Variants in OSBPL10 observed in about 807,000 individuals in gnomAD.
The protein encoded by OSBPL10 is oxysterol binding protein like 10, also known as oxysterol-binding protein-related protein 10.
In OSBPL10, 49 loss-of-function variants were observed where a neutral mutation model predicts 81.7. That is an observed-to-expected ratio of 0.60 (90% CI 0.48 to 0.76). The LOEUF (loss-of-function observed/expected upper bound fraction) is 0.76. Among genes scored for constraint, OSBPL10 ranks in the 30% least tolerant of loss-of-function variants. OSBPL10 has a pLI of 0.00. For synonymous variants in OSBPL10, 419 were observed against 383.6 expected (o/e 1.09, Z -1.08); for missense variants, 923 against 987.8 (o/e 0.93, Z 0.88).
upstream of OSBPL10, among the ~76,000 whole-genome samples, chr3:31,984,348 GTT>G (rs144693842): frequency 1.4e-5 from 2 of 145,538 alleles, no homozygotes; most frequent in African/African-American, 5.0e-5. Context: ...CCCACCTAAG[GTT>G]TTTTTTTTTT....
chr3:31,862,672 A>G (rs1262047414), intron 3 of OSBPL10, among the ~76,000 whole-genome samples: 1 of 152,234 alleles, frequency 6.6e-6, no homozygotes, highest in Non-Finnish European at 1.5e-5. Context: ...GCCAATAAGC[A>G]TATAAAAAGA....
At chr3:32,032,010 G>T (rs1333803927) in intron 2 of OSBPL10, among the ~76,000 whole-genome samples, 3 of 152,184 alleles carry the variant, frequency 2.0e-5, no homozygotes, top group African/African-American at 4.8e-5. Context: ...GGCTGACCAG[G>T]CATGGTAGTT....
intron 1 of OSBPL10, among the ~76,000 whole-genome samples, chr3:31,909,789 T>C (rs1295883297): frequency 6.6e-6 from 1 of 152,088 alleles, no homozygotes; most frequent in East Asian, 1.9e-4. Context: ...GGAACCCACA[T>C]GAATCTACTA....
intron 2 of OSBPL10, among the ~76,000 whole-genome samples, chr3:31,878,808 C>A (rs200470587): frequency 2.0e-5 from 2 of 100,534 alleles, no homozygotes; most frequent in African/African-American, 3.8e-5. Context: ...ATAGACTCTG[C>A]GTGTCCATGT....
At chr3:32,030,881 G>A (rs1436709856) in intron 2 of OSBPL10, among the ~76,000 whole-genome samples, 1 of 152,058 alleles carries the variant, frequency 6.6e-6, no homozygotes, top group Non-Finnish European at 1.5e-5. Flanking sequence ...AAATAATTGA[G>A]GAGGCCGGGC....
At chr3:31,806,797 G>A (rs1032454631) in intron 4 of OSBPL10, among the ~76,000 whole-genome samples, 4 of 151,896 alleles carry the variant, frequency 2.6e-5, no homozygotes, top group Middle Eastern at 3.2e-3. Context: ...GTTGGGGGGT[G>A]GGGGGAGCCA....
chr3:31,970,377 C>G (rs1024045655), intron 1 of OSBPL10, among the ~76,000 whole-genome samples: 3 of 152,186 alleles, frequency 2.0e-5, no homozygotes, highest in Admixed American at 2.0e-4. Flanking sequence ...TGCTGAAATT[C>G]CAGCCATCAT....
chr3:31,917,791 T>C (rs1696799557), intron 1 of OSBPL10, among the ~76,000 whole-genome samples: 1 of 151,210 alleles, frequency 6.6e-6, no homozygotes, highest in South Asian at 2.1e-4. Context: ...TCCCAAGAGC[T>C]GCTGAAGTAT....
intron 4 of OSBPL10, among the ~76,000 whole-genome samples, chr3:31,829,397 G>A (rs972357959): frequency 2.0e-5 from 3 of 152,216 alleles, no homozygotes; most frequent in African/African-American, 4.8e-5. Context: ...ACATAACCTC[G>A]CCTCACTTTT....
intron 4 of OSBPL10, among the ~76,000 whole-genome samples, chr3:31,793,894 T>A (rs1699105169): frequency 6.6e-6 from 1 of 152,172 alleles, no homozygotes. Context: ...CAAATGACAA[T>A]TAAAATACAG....
intron 11 of OSBPL10, chr3:31,663,047 C>T: frequency 1.0e-6 from 1 of 984,676 alleles, no homozygotes. Flanking sequence ...GCTTCCTGCT[C>T]TTCCTGCTCT....
At chr3:31,794,516 C>A (rs921299181) in intron 4 of OSBPL10, 55 of 308,566 alleles carry the variant, frequency 1.8e-4, no homozygotes, top group African/African-American at 1.1e-3. Context: ...GGCACTGTGA[C>A]CCTTGCAGAC....
At chr3:31,902,426 C>A (rs1304844377) in intron 1 of OSBPL10, among the ~76,000 whole-genome samples, 1 of 151,900 alleles carries the variant, frequency 6.6e-6, no homozygotes, top group Non-Finnish European at 1.5e-5. Flanking sequence ...CCACACCCAG[C>A]TAATTTTTAT....
intron 7 of OSBPL10, among the ~76,000 whole-genome samples, chr3:31,687,990 T>C (rs529354842): frequency 3.3e-5 from 5 of 151,866 alleles, no homozygotes; most frequent in East Asian, 1.9e-4. Flanking sequence ...AGCCCCACCT[T>C]TTAGGGCCAT....
intron 2 of OSBPL10, among the ~76,000 whole-genome samples, chr3:31,879,043 C>T (rs1310923011): frequency 6.6e-6 from 1 of 152,084 alleles, no homozygotes; most frequent in African/African-American, 2.4e-5. Context: ...TACTGGACTC[C>T]CTGGAAAGTC....
At chr3:32,040,943 G>A (rs1457045585) in intron 2 of OSBPL10, among the ~76,000 whole-genome samples, 1 of 152,208 alleles carries the variant, frequency 6.6e-6, no homozygotes, top group African/African-American at 2.4e-5. Context: ...GATTATCTCT[G>A]TGTCCCTATG....
chr3:31,959,370 C>G (rs981744049), intron 1 of OSBPL10, among the ~76,000 whole-genome samples: 2 of 152,172 alleles, frequency 1.3e-5, no homozygotes, highest in African/African-American at 4.8e-5. Flanking sequence ...ATAAAAGCAA[C>G]TTTGTCTACT....
At chr3:31,726,391 AC>A (rs1229175586) in intron 6 of OSBPL10, among the ~76,000 whole-genome samples, 2 of 151,824 alleles carry the variant, frequency 1.3e-5, no homozygotes, top group African/African-American at 4.8e-5. Context: ...ATCTCTGCTC[AC>A]TGCAACCTCC....
chr3:32,006,405 A>AT (rs1316255825), intron 2 of OSBPL10, among the ~76,000 whole-genome samples: 1 of 152,164 alleles, frequency 6.6e-6, no homozygotes, highest in African/African-American at 2.4e-5. Context: ...GCCAGTTGTC[A>AT]TCTTTGTCTA....
Sources: allele counts gnomAD v4.1 joint callset (sites outside exome capture counted in the v4.1 genomes callset), GRCh38; gene constraint gnomAD v4.1.1; transcripts MANE v1.5; gene names NCBI Gene and HGNC (gene_info 2026-07-23, HGNC 2026-07-21).